The following LRRC27 variants were observed in gnomAD, a reference collection of about 807,000 sequenced individuals.
LRRC27 encodes leucine rich repeat containing 27.
A neutral mutation model predicts 55.0 loss-of-function variants in LRRC27; 57 were observed. The observed-to-expected ratio is 1.04, with a 90% CI of 0.84 to 1.29. The LOEUF (loss-of-function observed/expected upper bound fraction) is 1.29, where lower values mean the gene tolerates loss of function less well. Ranked by LOEUF, LRRC27 falls within the 50% of genes most tolerant of loss-of-function variation. The pLI is 0.00. For missense variants in LRRC27, 721 were observed against 651.5 expected, an observed-to-expected ratio of 1.11 and a Z score of -1.16; for synonymous variants, 278 against 251.9, an observed-to-expected ratio of 1.10 and a Z score of -0.98.
chr10:132,344,400 C>T, intron 4 of LRRC27, 98 bp from the exon 5 acceptor site: 1 of 1,273,944 alleles, frequency 7.8e-7, no homozygotes, highest in South Asian at 1.6e-5. Context: ...TGAATAGAAT[C>T]ATATTTTAAA....
chr10:132,357,322 A>G (rs1009790486), intron 8 of LRRC27, among the ~76,000 whole-genome samples: 7 of 152,242 alleles, frequency 4.6e-5, no homozygotes, highest in African/African-American at 7.2e-5. Context: ...TTAAAAATAC[A>G]TATTTTGCCA....
intron 9 of LRRC27, among the ~76,000 whole-genome samples, chr10:132,364,419 TTA>T (rs2068846119): frequency 1.4e-5 from 2 of 147,566 alleles, no homozygotes; most frequent in African/African-American, 2.6e-5. Flanking sequence ...ACACCCGCGC[TTA>T]CACCCACGCT....
At chr10:132,373,827 A>G (rs1282122216) in intron 10 of LRRC27, among the ~76,000 whole-genome samples, 1 of 152,128 alleles carries the variant, frequency 6.6e-6, no homozygotes, top group African/African-American at 2.4e-5. Flanking sequence ...GTGGAGGAGG[A>G]TGTCGAGAGA....
intron 7 of LRRC27, among the ~76,000 whole-genome samples, chr10:132,354,790 G>A (rs2068230522): frequency 6.6e-6 from 1 of 152,218 alleles, no homozygotes; most frequent in South Asian, 2.1e-4. Context: ...CGTCCAGGAT[G>A]ATGATGGGAG....
chr10:132,337,658 A>T lies in LRRC27; in HGVS notation c.304A>T (p.Arg102Ter), dbSNP rs139746555. 49 of 1,614,200 alleles carry T rather than the reference A, an allele frequency of 3.0e-5. 1 individual carries two copies. The African/African-American group carries it at 6.0e-4, about 20-fold the overall frequency. ...GACTTGGCTGGACCTCCGGTACAAT[A>T]GAATTAAAGCGCTTCCTTCTGGGAT... is the stretch of plus-strand genomic sequence containing the variant. ...NLTWLDLRYN[R>*]IKALPSGIGA... The change falls in exon 3 of 11, where the codon AGA becomes TGA. Residue 102 changes from arginine (R) to a stop codon, truncating the protein, a stop_gained. Coordinates refer to ENST00000368614, the MANE Select transcript of LRRC27 (RefSeq NM_030626.3). LOFTEE classifies it high-confidence loss of function.
chr10:132,334,758 A>C (rs1238220363), intron 2 of LRRC27, among the ~76,000 whole-genome samples: 1 of 152,170 alleles, frequency 6.6e-6, no homozygotes, highest in Non-Finnish European at 1.5e-5. Context: ...ATGAACAGAT[A>C]TCCTCAGCCC....
intron 2 of LRRC27, among the ~76,000 whole-genome samples, chr10:132,336,058 A>G (rs1006749773): frequency 1.3e-5 from 2 of 152,136 alleles, no homozygotes; most frequent in African/African-American, 2.4e-5. Context: ...ACCACTGTAT[A>G]TATTATTTCC....
chr10:132,355,840 A>G lies in LRRC27; in HGVS notation c.1124A>G (p.Lys375Arg), dbSNP rs374683086. ...AGAGAGCGAGCCCAGAGGATGAGGA[A>G]GAGGAAGGAAGAGCTCAGCAAACTC... ...EWRERAQRMR[K>R]RKEELSKLLP... is the part of the protein sequence containing the mutation. Residue 375 changes from lysine (K) to arginine (R), a missense_variant, in exon 8 of 11, where the codon AAG becomes AGG. Lys to Arg is a conservative substitution (Grantham distance 26). Transcript: ENST00000368614. 1 of 1,558,552 alleles carries G rather than the reference A, an allele frequency of 6.4e-7. No homozygotes were observed. The highest frequency in any genetic ancestry group is 1.4e-5 in the African/African-American group (1 of 73,350).
chr10:132,367,183 A>G (rs1222064562), intron 10 of LRRC27, among the ~76,000 whole-genome samples: 1 of 152,202 alleles, frequency 6.6e-6, no homozygotes, highest in Non-Finnish European at 1.5e-5. Flanking sequence ...CTTGAAAGAC[A>G]ACATCTGCCA....
At chr10:132,363,108 C>T (rs2068719450) in intron 9 of LRRC27, among the ~76,000 whole-genome samples, 1 of 127,776 alleles carries the variant, frequency 7.8e-6, no homozygotes. Flanking sequence ...CACCTCACAC[C>T]AGCTCGGGGG....
rs2069341832 is a variant in LRRC27 at position 132,376,658 on chromosome 10, A to C, written c.*1416A>C. ...CAGAGAGCGTGTCCGTTGTGATCCC[A>C]GTCCTTTGAAACTGTGAAGCCTCGC... On this transcript the variant is annotated 3_prime_UTR_variant, in exon 11 of 11. Coordinates refer to ENST00000368614, the MANE Select transcript of LRRC27 (RefSeq NM_030626.3). The C allele has an allele frequency of 6.6e-6, 1 of 152,332 alleles. No individual in the cohort carries two copies. Among genetic ancestry groups the C allele is most frequent in the South Asian group, 2.1e-4 (1 of 4,838 alleles). 9.4% of individuals were successfully genotyped at this position (152,332 alleles called of 1,614,324 possible).
intron 10 of LRRC27, among the ~76,000 whole-genome samples, chr10:132,368,415 C>G (rs780814659): frequency 3.9e-4 from 60 of 152,142 alleles, no homozygotes; most frequent in Admixed American, 2.6e-4. Context: ...CTGACACCCC[C>G]CAACTTGAAG....
At chr10:132,353,768 T>C (rs543821623) in intron 7 of LRRC27, among the ~76,000 whole-genome samples, 49 of 152,152 alleles carry the variant, frequency 3.2e-4, no homozygotes, top group Non-Finnish European at 6.3e-4. Context: ...CGCCCCACAC[T>C]GTCCCTCGGG....
chr10:132,365,365 G>A, intron 9 of LRRC27, 59 bp from the exon 10 acceptor site: 1 of 1,599,120 alleles, frequency 6.3e-7, no homozygotes, highest in Non-Finnish European at 8.5e-7. Context: ...TATGGCGGGA[G>A]TTGCTAGGAT....
intron 7 of LRRC27, among the ~76,000 whole-genome samples, chr10:132,352,672 G>A (rs1353050641): frequency 2.8e-5 from 4 of 140,840 alleles, no homozygotes; most frequent in Admixed American, 6.9e-5. Context: ...TGGGGCAGGC[G>A]CTGAGGCCTC....
At chr10:132,331,894 ACCCCCGCGCAGGCGCACCACAAC>A (rs1564813191), upstream of LRRC27, 11 of 887,294 alleles carry the variant, frequency 1.2e-5, no homozygotes, top group Admixed American at 6.7e-5. Flanking sequence ...ACCCCCTGCC[ACCCCCGCGCAGGCGCACCACAAC>A]CCCCCCACCG....
At chr10:132,356,766 C>G (rs2068331380) in intron 8 of LRRC27, among the ~76,000 whole-genome samples, 1 of 152,276 alleles carries the variant, frequency 6.6e-6, no homozygotes, top group African/African-American at 2.4e-5. Flanking sequence ...GCCGTGGGCA[C>G]AGGGTGGTGG....
chr10:132,361,654 G>A, intron 9 of LRRC27, 79 bp downstream of exon 9: 5 of 1,042,202 alleles, frequency 4.8e-6, no homozygotes, highest in Non-Finnish European at 7.5e-6. Context: ...TTTATTTCAT[G>A]AGCATGCACT....
chr10:132,364,699 G>A lies in LRRC27; in HGVS notation c.1290-725G>A, dbSNP rs1234779814. 4.7e-4 allele frequency among the ~76,000 whole-genome samples: 3 copies of A among 6,368 alleles called. 1 individual carries two copies. The highest frequency in any genetic ancestry group is 6.7e-4 in the African/African-American group (2 of 2,982). 4.2% of individuals were successfully genotyped at this position (6,368 alleles called of 152,430 possible). A position where few individuals can be genotyped will look rare whatever the true frequency, so the allele number is the denominator to read the frequency against. ...ACGCTTACACCCACGTCCACACCGT[G>A]GGGCCCCACACTCATGCAGTCCGCG... On this transcript the variant is annotated intron_variant, in intron 9 of 10. Transcript: ENST00000368614.
Sources: gnomAD v4.1 joint callset for allele counts (sites outside exome capture counted in the v4.1 genomes callset) on GRCh38, gnomAD v4.1.1 for gene constraint, MANE v1.5 for transcripts, NCBI Gene and HGNC (gene_info 2026-07-23, HGNC 2026-07-21) for gene names.